Variants in BRMS1L observed in about 807,000 individuals in gnomAD.
BRMS1L encodes BRMS1 like transcriptional repressor.
In BRMS1L, 23 loss-of-function variants were observed where a neutral mutation model predicts 50.3. The ratio of observed to expected loss-of-function variants is 0.46; its 90% CI spans 0.33 to 0.65. The LOEUF is 0.65. BRMS1L is among the 30% of genes least tolerant of loss of function. BRMS1L has a pLI of 0.02. For synonymous variants in BRMS1L, 114 were observed against 126.9 expected, an observed-to-expected ratio of 0.90 and a Z score of 0.69; for missense variants, 286 against 386.1, an observed-to-expected ratio of 0.74 and a Z score of 2.17.
chr14:35,851,247 C>T (rs1428151505), intron 4 of BRMS1L, among the ~76,000 whole-genome samples: 1 of 152,114 alleles, frequency 6.6e-6, no homozygotes, highest in East Asian at 1.9e-4. Context: ...GCACAGGTGT[C>T]AGTCTACAGG....
chr14:35,863,912 A>G lies in BRMS1L; in HGVS notation c.581A>G (p.Asp194Gly). 1 of 1,614,038 alleles carries G rather than the reference A, an allele frequency of 6.2e-7. No homozygotes were observed. Among genetic ancestry groups the G allele is most frequent in the East Asian group, 2.2e-5 (1 of 44,848 alleles). ...CTTCAGTCAAGAAAAAAGAGGAAGG[A>G]TCCTTTCAGTCCTGACAAAAAGAAG... ...DELQSRKKRK[D>G]PFSPDKKKPV... Residue 194 changes from aspartate to glycine, a missense_variant, in exon 6 of 10, where the codon GAT (aspartate) becomes GGT (glycine). Transcript: ENST00000216807.
At chr14:35,854,924 A>C (rs1175729566) in intron 4 of BRMS1L, among the ~76,000 whole-genome samples, 1 of 152,256 alleles carries the variant, frequency 6.6e-6, no homozygotes, top group East Asian at 1.9e-4. Context: ...TTGAATTTCA[A>C]GTACATAGAG....
At chr14:35,839,859 A>C (rs1026890053) in intron 4 of BRMS1L, among the ~76,000 whole-genome samples, 4 of 152,052 alleles carry the variant, frequency 2.6e-5, no homozygotes, top group African/African-American at 7.2e-5. Context: ...AATACCCTTT[A>C]TTTCTTTCTC....
At chr14:35,857,301 GTA>G (rs35853963) in intron 4 of BRMS1L, among the ~76,000 whole-genome samples, 17,794 of 147,270 alleles carry the variant, frequency 0.12, 1,155 homozygotes, top group Middle Eastern at 0.16. Flanking sequence ...GTGTGTGTGT[GTA>G]TATATATATA....
intron 4 of BRMS1L, among the ~76,000 whole-genome samples, chr14:35,848,732 T>G (rs975653315): frequency 2.0e-5 from 3 of 152,176 alleles, no homozygotes; most frequent in Admixed American, 6.5e-5. Context: ...CCTGACTTAT[T>G]TAATGTTAGT....
At chr14:35,850,298 C>G (rs2078193929) in intron 4 of BRMS1L, among the ~76,000 whole-genome samples, 1 of 148,708 alleles carries the variant, frequency 6.7e-6, no homozygotes, top group Non-Finnish European at 1.5e-5. Context: ...ACCTCTGTCT[C>G]CTGGGTTCAA....
At chr14:35,868,555 C>G (rs2182480) in intron 9 of BRMS1L, among the ~76,000 whole-genome samples, 9,378 of 152,102 alleles carry the variant, frequency 0.062, 609 homozygotes, top group African/African-American at 0.16. Context: ...GAAGCTGAGG[C>G]AGGATTGGGT....
At chr14:35,847,182 T>G (rs2078146700) in intron 4 of BRMS1L, among the ~76,000 whole-genome samples, 1 of 152,194 alleles carries the variant, frequency 6.6e-6, no homozygotes, top group African/African-American at 2.4e-5. Flanking sequence ...TTTTGCCATG[T>G]TGCTCTGGCT....
In BRMS1L at chr14:35,833,091, G is replaced by A. The variant is rs1023777427; in HGVS notation, c.347G>A (p.Arg116His). ...ACTTTACAGGAAAATATGCAAATTC[G>A]TACAAAGGTAGCAGGTAGGAAAGTG... ...LATLQENMQIRTKVAGIYREL... is the reference protein window; with the variant it reads ...LATLQENMQIHTKVAGIYREL... The change falls in exon 3 of 10, where the codon CGT becomes CAT. Residue 116 changes from arginine (R) to histidine (H), a missense_variant. Transcript: ENST00000216807. The A allele has an allele frequency of 1.2e-6, 2 of 1,612,004 alleles. No individual in the cohort carries two copies. Among genetic ancestry groups the A allele is most frequent in the East Asian group, 2.2e-5 (1 of 44,760 alleles).
intron 1 of BRMS1L, among the ~76,000 whole-genome samples, chr14:35,830,375 T>G (rs894863615): frequency 2.0e-5 from 3 of 148,152 alleles, no homozygotes; most frequent in African/African-American, 7.5e-5. Context: ...GGCCTTTCTT[T>G]CACTTTTTAT....
At chr14:35,834,784 G>T in intron 3 of BRMS1L, 60 bp from the exon 4 acceptor site, 1 of 1,197,632 alleles carries the variant, frequency 8.3e-7, no homozygotes, top group South Asian at 2.3e-5. Context: ...ATTCCTGTAG[G>T]GAAGTGATAA....
rs1594350007 is a variant in BRMS1L, at chr14:35,865,846, G to A, written c.727+85G>A. The A allele has an allele frequency of 5.0e-6, 6 of 1,189,420 alleles. No individual in the cohort carries two copies. In the Admixed American group the frequency reaches 1.1e-4, roughly 23 times the overall value. The allele number at this position is 1,189,420 out of a possible 1,614,324, so 73.7% of individuals were successfully genotyped here. A position where few individuals can be genotyped will look rare whatever the true frequency, so the allele number is the denominator to read the frequency against. On this transcript the variant is annotated intron_variant, in intron 8 of 9. Coordinates refer to ENST00000216807, the MANE Select transcript of BRMS1L (RefSeq NM_032352.4). ...GTTATCTACGTACTAAAGAACTCTT[G>A]AATCAGTGGTTTTATTTCATCAGTG...
intron 4 of BRMS1L, among the ~76,000 whole-genome samples, chr14:35,849,107 GGCCTCCC>G (rs1267015417): frequency 6.6e-6 from 1 of 151,518 alleles, no homozygotes; most frequent in East Asian, 1.9e-4. Context: ...CTCCCACCTT[GGCCTCCC>G]AAAGTGCTGG....
chr14:35,837,751 C>T (rs2142041477), intron 4 of BRMS1L, among the ~76,000 whole-genome samples: 1 of 152,214 alleles, frequency 6.6e-6, no homozygotes, highest in African/African-American at 2.4e-5. Context: ...GACGAGGTTT[C>T]ACCATGTTGG....
chr14:35,866,653 C>A (rs2078425887), intron 8 of BRMS1L, among the ~76,000 whole-genome samples: 1 of 152,038 alleles, frequency 6.6e-6, no homozygotes, highest in African/African-American at 2.4e-5. Context: ...TCCAGTGAGC[C>A]ATGATCACAC....
intron 4 of BRMS1L, among the ~76,000 whole-genome samples, chr14:35,855,355 G>A (rs894231998): frequency 6.6e-6 from 1 of 152,108 alleles, no homozygotes; most frequent in Non-Finnish European, 1.5e-5. Flanking sequence ...GCGTCCCAAA[G>A]CATTAGGATT....
At chr14:35,833,254 A>G (rs2077948550) in intron 3 of BRMS1L, 149 bp downstream of exon 3, 1 of 757,926 alleles carries the variant, frequency 1.3e-6, no homozygotes, top group Non-Finnish European at 2.0e-6. Flanking sequence ...GCCCACAGTT[A>G]CTGTATTTAT....
intron 4 of BRMS1L, among the ~76,000 whole-genome samples, chr14:35,856,308 A>T (rs1482206042): frequency 6.6e-6 from 1 of 152,170 alleles, no homozygotes; most frequent in Non-Finnish European, 1.5e-5. Context: ...AGACAGGTGG[A>T]GATGCTTTAT....
intron 1 of BRMS1L, among the ~76,000 whole-genome samples, chr14:35,830,224 C>T (rs572708160): frequency 4.9e-4 from 74 of 152,304 alleles, no homozygotes; most frequent in Non-Finnish European, 9.7e-4. Context: ...CATGTGCCAC[C>T]ACGCCCAGCT....
Sources: gnomAD v4.1 joint callset for allele counts (sites outside exome capture counted in the v4.1 genomes callset) on GRCh38, gnomAD v4.1.1 for gene constraint, MANE v1.5 for transcripts, NCBI Gene and HGNC (gene_info 2026-07-23, HGNC 2026-07-21) for gene names.